Variants in PPP2R1B observed in about 807,000 individuals in gnomAD.
PPP2R1B encodes the protein protein phosphatase 2 scaffold subunit Abeta.
A neutral mutation model predicts 72.7 loss-of-function variants in PPP2R1B; 58 were observed. The observed-to-expected ratio is 0.80, with a 90% confidence interval of 0.65 to 0.99. PPP2R1B has a LOEUF of 0.99. Among genes scored for constraint, PPP2R1B ranks in the 50% least tolerant of loss-of-function variants. The pLI, the probability that PPP2R1B is intolerant of heterozygous loss-of-function variation, is 0.00. For missense variants in PPP2R1B, 695 were observed against 733.6 expected (o/e 0.95, Z 0.61); for synonymous variants, 256 against 264.6 (o/e 0.97, Z 0.32).
intron 10 of PPP2R1B, among the ~76,000 whole-genome samples, chr11:111,750,439 T>C (rs1341720755): frequency 6.6e-6 from 1 of 152,112 alleles, no homozygotes; most frequent in Non-Finnish European, 1.5e-5. Flanking sequence ...TTTGAGGCCA[T>C]GAGTTCAAGA....
chr11:111,743,538 A>G lies in PPP2R1B; in HGVS notation c.1400-8T>C. 6.2e-7 allele frequency: 1 copy of G among 1,601,016 alleles called. No individual in the cohort carries two copies. The highest frequency in any genetic ancestry group is 1.1e-5 in the South Asian group (1 of 88,652). On this transcript the variant is annotated splice_region_variant and splice_polypyrimidine_tract_variant and intron_variant, in intron 11 of 14. Coordinates refer to ENST00000527614, the MANE Select transcript of PPP2R1B (RefSeq NM_002716.5). ...CTTCTCGGATGGCGTATACTGCAGAAGAGGTCAAAAACATGTTCTCATATC... is the reference window on the plus strand; with the variant it reads ...CTTCTCGGATGGCGTATACTGCAGAGGAGGTCAAAAACATGTTCTCATATC...
At chr11:111,765,907 A>C in intron 1 of PPP2R1B, 3 of 503,644 alleles carry the variant, frequency 6.0e-6, no homozygotes, top group East Asian at 5.4e-5. Context: ...TCGGCCTGGC[A>C]CCGCGCTTCT....
chr11:111,766,387 A>G lies in PPP2R1B; in HGVS notation c.-26T>C, dbSNP rs1332653326. ...GTTCTTTCTCCTCCTGCTGCTGGTC[A>G]CCGCCTCCCGCCCCGCGCCCAGGCC... On this transcript the variant is annotated 5_prime_UTR_variant, in exon 1 of 15. Coordinates refer to ENST00000527614, the MANE Select transcript of PPP2R1B (RefSeq NM_002716.5). The G allele has an allele frequency of 8.0e-6, 3 of 376,138 alleles. No individual in the cohort carries two copies. Among genetic ancestry groups the G allele is most frequent in the Non-Finnish European group, 1.2e-5 (3 of 240,484 alleles). 23.3% of individuals were successfully genotyped at this position (376,138 alleles called of 1,614,324 possible).
chr11:111,750,842 TG>T (rs1302031622), intron 10 of PPP2R1B, among the ~76,000 whole-genome samples: 4 of 127,132 alleles, frequency 3.1e-5, no homozygotes, highest in South Asian at 2.7e-4. Context: ...GTTTTTGTTT[TG>T]TTTTTTTTTT....
intron 3 of PPP2R1B, 25 bp downstream of exon 3, chr11:111,764,780 G>C (rs1565485313): frequency 5.0e-6 from 8 of 1,609,260 alleles, no homozygotes; most frequent in South Asian, 1.1e-5. Flanking sequence ...TGTAGAAGGA[G>C]GGTAGGCAGC....
chr11:111,752,150 C>T lies in PPP2R1B; in HGVS notation c.1338+9G>A, dbSNP rs542078649. The stretch of plus-strand genomic sequence containing the variant: ...CTACCCTGCAGTTCATGGAGCAACA[C>T]ATACTCACCAGCTGGCCTGCCAGCA... On this transcript the variant is annotated intron_variant, in intron 10 of 14. Transcript: ENST00000527614. 6.2e-7 allele frequency: 1 copy of T among 1,601,272 alleles called. No homozygotes were observed. The highest frequency in any genetic ancestry group is 2.2e-5 in the East Asian group (1 of 44,826).
chr11:111,726,214 T>G (rs575493036), downstream of PPP2R1B: 1 of 152,252 alleles, frequency 6.6e-6, no homozygotes, highest in Admixed American at 6.5e-5. Flanking sequence ...AGATTGAAAA[T>G]GGGGGCCACT....
chr11:111,726,914 G>A, exon 16 of PPP2R1B: 1 of 1,576,496 alleles, frequency 6.3e-7, no homozygotes, highest in Admixed American at 1.7e-5. Context: ...GGCAAAAAGT[G>A]CAATATGTGT....
At chr11:111,725,436 A>G (rs1041522318), downstream of PPP2R1B, 36 of 152,548 alleles carry the variant, frequency 2.4e-4, no homozygotes, top group Admixed American at 1.2e-3. Context: ...AACACTTACA[A>G]TTCAGTCATC....
chr11:111,715,754 A>G, the PPP2R1B span, among the ~76,000 whole-genome samples: 1,107 of 143,534 alleles, frequency 7.7e-3, 8 homozygotes, highest in Middle Eastern at 0.064. Flanking sequence ...AAGGAATTTT[A>G]TATACATACA....
chr11:111,761,981 A>G (rs1555051579), intron 3 of PPP2R1B, among the ~76,000 whole-genome samples: 1 of 152,192 alleles, frequency 6.6e-6, no homozygotes, highest in East Asian at 1.9e-4. Context: ...GGTAAAGTAC[A>G]GAGATGGTAG....
intron 13 of PPP2R1B, 81 bp from the exon 14 acceptor site, chr11:111,742,225 T>A: frequency 9.3e-7 from 1 of 1,071,408 alleles, no homozygotes; most frequent in Non-Finnish European, 1.4e-6. Context: ...TTAATGGTAA[T>A]TGTTAAAATT....
chr11:111,765,195 G>A (rs1251010465), intron 2 of PPP2R1B, 99 bp downstream of exon 2: 2 of 1,237,356 alleles, frequency 1.6e-6, no homozygotes, highest in Non-Finnish European at 2.3e-6. Flanking sequence ...AAAACACCTG[G>A]CTCATTTTAA....
chr11:111,699,624 T>G, the PPP2R1B span, among the ~76,000 whole-genome samples: 3 of 152,220 alleles, frequency 2.0e-5, no homozygotes, highest in African/African-American at 7.2e-5. Flanking sequence ...ATAATGGGGA[T>G]TGTTACTGTT....
intron 9 of PPP2R1B, among the ~76,000 whole-genome samples, chr11:111,752,734 G>C (rs1944955391): frequency 6.6e-6 from 1 of 152,154 alleles, no homozygotes; most frequent in African/African-American, 2.4e-5. Context: ...CCAGCACTTT[G>C]GGAGGCCGAG....
Position 111,765,349 on chromosome 11 carries a change from A to T in PPP2R1B, c.150T>A (p.Ile50=). 6.2e-7 allele frequency: 1 copy of T among 1,613,736 alleles called. No individual in the cohort carries two copies. The highest frequency in any genetic ancestry group is 1.1e-5 in the South Asian group (1 of 91,040). ...TCCTTTCTACTCCAAGTGCTAGGGC[A>T]ATTGTTGATAACTTCTTAATACTGT... The part of the protein sequence containing the change: ...RLNSIKKLST[I]ALALGVERTR... Residue 50 remains isoleucine (I), a synonymous_variant, in exon 2 of 15, where the codon ATT becomes ATA. Coordinates refer to ENST00000527614, the MANE Select transcript of PPP2R1B (RefSeq NM_002716.5).
the PPP2R1B span, chr11:111,688,297 T>A: frequency 1.2e-6 from 1 of 833,652 alleles, no homozygotes; most frequent in African/African-American, 1.7e-5. This position sits in a 1 kb window ranked among gnomAD's most constrained non-coding sequence, Gnocchi z 4.2. Context: ...TCCATTTTAT[T>A]CATTTCCTTA....
the PPP2R1B span, among the ~76,000 whole-genome samples, chr11:111,716,882 A>G: frequency 6.6e-6 from 1 of 152,214 alleles, no homozygotes; most frequent in East Asian, 1.9e-4. Flanking sequence ...CAATCTATCC[A>G]TCTGACAAAG....
At chr11:111,749,576 C>G (rs139703388) in intron 10 of PPP2R1B, among the ~76,000 whole-genome samples, 1 of 152,146 alleles carries the variant, frequency 6.6e-6, no homozygotes, top group African/African-American at 2.4e-5. Context: ...TGAGCCACTA[C>G]GCCTGGCCTA....
Sources: allele counts gnomAD v4.1 joint callset (sites outside exome capture counted in the v4.1 genomes callset), GRCh38; gene constraint gnomAD v4.1.1; non-coding constraint Gnocchi (gnomAD v3.1); transcripts MANE v1.5; gene names NCBI Gene and HGNC (gene_info 2026-07-23, HGNC 2026-07-21).